ZNF600: variants seen among roughly 807,000 people sequenced by gnomAD.
The protein encoded by ZNF600 is zinc finger protein KR-ZNF1.
A neutral mutation model predicts 7.3 loss-of-function variants in ZNF600; 4 were observed. The observed-to-expected ratio is 0.55, with a 90% CI of 0.27 to 1.25. ZNF600 has a LOEUF of 1.25. Among genes scored for constraint, ZNF600 ranks in the 50% most tolerant of loss-of-function variants. The pLI is 0.12. For synonymous variants in ZNF600, 290 were observed against 308.9 expected (o/e 0.94, Z 0.64); for missense variants, 911 against 922.1 (o/e 0.99, Z 0.16).
the ZNF600 span, chr19:52,817,968 C>T: frequency 6.2e-7 from 1 of 1,611,010 alleles, no homozygotes. Context: ...TCCCTGACTC[C>T]TTTGCTTTCC....
chr19:52,789,740 A>T (rs938723088), upstream of ZNF600, among the ~76,000 whole-genome samples: 5 of 152,020 alleles, frequency 3.3e-5, no homozygotes, highest in South Asian at 2.1e-4. Flanking sequence ...CAACAAAATT[A>T]AAAAAAATAT....
upstream of ZNF600, among the ~76,000 whole-genome samples, chr19:52,789,793 G>C (rs557731700): frequency 6.6e-6 from 1 of 152,278 alleles, no homozygotes; most frequent in East Asian, 1.9e-4. Context: ...CGTGTGAAGA[G>C]ACCACCAAAC....
chr19:52,780,554 T>A (rs1452232922), intron 1 of ZNF600, 27 bp downstream of exon 3: 1 of 151,938 alleles, frequency 6.6e-6, no homozygotes, highest in African/African-American at 2.4e-5. Flanking sequence ...CATAGGAACA[T>A]GTCTTCAAAC....
At chr19:52,810,069 G>A in the ZNF600 span, 1 of 750,776 alleles carries the variant, frequency 1.3e-6, no homozygotes, top group Non-Finnish European at 2.4e-6. Flanking sequence ...GGGAGCTCCA[G>A]GACCTGGGCC....
the ZNF600 span, chr19:52,810,650 T>A: frequency 8.2e-7 from 1 of 1,217,796 alleles, no homozygotes; most frequent in Non-Finnish European, 1.2e-6. Context: ...AACAGCAGGC[T>A]CTGGGGTCGC....
At chr19:52,778,508 A>G (rs1206378782) in intron 2 of ZNF600, among the ~76,000 whole-genome samples, 2 of 152,156 alleles carry the variant, frequency 1.3e-5, no homozygotes, top group Non-Finnish European at 2.9e-5. Flanking sequence ...CAAAGAGCTG[A>G]CATCCAGATG....
chr19:52,773,078 C>T (rs2062643626), intron 3 of ZNF600, among the ~76,000 whole-genome samples: 1 of 151,892 alleles, frequency 6.6e-6, no homozygotes, highest in Non-Finnish European at 1.5e-5. Context: ...TTCACTATTA[C>T]AAAGTCAATA....
At chr19:52,780,006 A>G (rs937381897) in intron 1 of ZNF600, among the ~76,000 whole-genome samples, 1 of 151,970 alleles carries the variant, frequency 6.6e-6, no homozygotes, top group Non-Finnish European at 1.5e-5. Flanking sequence ...ACAAAAGGAG[A>G]CTTCATCTCA....
At chr19:52,794,201 A>C in the ZNF600 span, among the ~76,000 whole-genome samples, 1 of 152,266 alleles carries the variant, frequency 6.6e-6, no homozygotes, top group African/African-American at 2.4e-5. Context: ...GACAAGAATA[A>C]GTTCAAGATG....
chr19:52,765,155 A>G (rs1260330082), exon 4 of ZNF600: 2 of 434,678 alleles, frequency 4.6e-6, no homozygotes, highest in East Asian at 1.3e-4. Context: ...ATGGTTTGCT[A>G]TACTCACTGC....
chr19:52,781,760 C>T (rs1242810809), intron 1 of ZNF600, among the ~76,000 whole-genome samples: 1 of 131,850 alleles, frequency 7.6e-6, no homozygotes, highest in Non-Finnish European at 1.5e-5. Context: ...GACACTCTAT[C>T]TTAAAAAAAA....
exon 4 of ZNF600, chr19:52,766,016 T>C (rs1234295619): frequency 6.2e-7 from 1 of 1,614,148 alleles, no homozygotes. Flanking sequence ...ATTTGTAAGA[T>C]TTCTCTCCAG....
chr19:52,767,772 T>G, exon 4 of ZNF600: 1 of 1,553,892 alleles, frequency 6.4e-7, no homozygotes, highest in Non-Finnish European at 8.7e-7. Flanking sequence ...GGAAGAGATA[T>G]CTACAAAATA....
At chr19:52,809,049 C>G in the ZNF600 span, among the ~76,000 whole-genome samples, 1 of 151,936 alleles carries the variant, frequency 6.6e-6, no homozygotes, top group African/African-American at 2.4e-5. Flanking sequence ...TATATATGTA[C>G]ATATATGAAG....
At chr19:52,825,019 C>T in the ZNF600 span, among the ~76,000 whole-genome samples, 1 of 151,960 alleles carries the variant, frequency 6.6e-6, no homozygotes, top group Non-Finnish European at 1.5e-5. Context: ...ATTGCTTGAG[C>T]CTGAAATGCA....
chr19:52,800,878 C>T, the ZNF600 span: 2 of 1,613,958 alleles, frequency 1.2e-6, no homozygotes, highest in Non-Finnish European at 1.7e-6. Flanking sequence ...GGTTTCCCTC[C>T]AGTATAAATT....
chr19:52,776,535 C>T (rs1011087359), intron 2 of ZNF600, among the ~76,000 whole-genome samples: 26 of 152,030 alleles, frequency 1.7e-4, no homozygotes, highest in Non-Finnish European at 3.7e-4. Context: ...CCTCAGCCTC[C>T]CCAGGAGCTG....
At chr19:52,797,501 C>A in the ZNF600 span, 1 of 152,192 alleles carries the variant, frequency 6.6e-6, no homozygotes, top group African/African-American at 2.4e-5. Flanking sequence ...AACTAATAAA[C>A]ATATTCAGTG....
the ZNF600 span, among the ~76,000 whole-genome samples, chr19:52,818,334 T>G: frequency 6.6e-6 from 1 of 152,082 alleles, no homozygotes; most frequent in African/African-American, 2.4e-5. Flanking sequence ...CCCAGCTACT[T>G]AGGAAGCTGA....
Sources: allele counts gnomAD v4.1 joint callset (sites outside exome capture counted in the v4.1 genomes callset), GRCh38; gene constraint gnomAD v4.1.1; transcripts MANE v1.5; gene names NCBI Gene and HGNC (gene_info 2026-07-23, HGNC 2026-07-21).